GRIK1: variants seen among roughly 807,000 people sequenced by gnomAD.
The protein encoded by GRIK1 is glutamate ionotropic receptor kainate type subunit 1, also known as glutamate receptor ionotropic, kainate 1.
Under a neutral mutation model 105.7 loss-of-function variants are expected in GRIK1, and 69 were observed. The observed-to-expected ratio is 0.65, with a 90% confidence interval of 0.54 to 0.80. The LOEUF is 0.80. GRIK1 is among the 30% of genes least tolerant of loss of function. The pLI is 0.00. For missense variants in GRIK1, 1,109 were observed against 1,167.3 expected, an observed-to-expected ratio of 0.95 and a Z score of 0.73; for synonymous variants, 438 against 431.3, an observed-to-expected ratio of 1.02 and a Z score of -0.19.
intron 1 of GRIK1, among the ~76,000 whole-genome samples, chr21:29,882,994 G>C (rs1375896162): frequency 6.6e-6 from 1 of 151,986 alleles, no homozygotes; most frequent in African/African-American, 2.4e-5. Flanking sequence ...CAGAAGTCCA[G>C]CTTTAACCTT....
chr21:29,596,252 A>G (rs1368198863), intron 9 of GRIK1: 2 of 554,330 alleles, frequency 3.6e-6, no homozygotes, highest in Admixed American at 4.6e-5. Context: ...CAATCCTAAC[A>G]AGGACTGATC....
In GRIK1 at chr21:29,774,272, C is replaced by T. The variant is rs543797354; in HGVS notation, c.119-80209G>A. On this transcript the variant is annotated intron_variant, in intron 1 of 17. Coordinates refer to ENST00000327783, the MANE Select transcript of GRIK1 (RefSeq NM_001330994.2). ...TCTTTCACTAACCATATGAATACAA[C>T]TTCAACATATTATTCAACAACTTAA... is the stretch of plus-strand genomic sequence containing the variant. Among the ~76,000 whole-genome samples the T allele has an allele frequency of 5.9e-5, 9 of 152,234 alleles. No individual in the cohort carries two copies. The East Asian group carries it at 1.5e-3, about 26-fold the overall frequency.
intron 15 of GRIK1, 41 bp downstream of exon 15, chr21:29,561,583 C>T: frequency 2.3e-6 from 3 of 1,309,346 alleles, no homozygotes; most frequent in Non-Finnish European, 2.2e-6. Context: ...TGGTAACTGA[C>T]ATTCTGTATC....
intron 7 of GRIK1, among the ~76,000 whole-genome samples, chr21:29,620,793 C>CTATA (rs1421896438): frequency 8.2e-6 from 1 of 121,536 alleles, no homozygotes; most frequent in African/African-American, 3.6e-5. Flanking sequence ...ATATATATAT[C>CTATA]TATATATATA....
rs756145502 is a variant in GRIK1, at chr21:29,589,081, TGAAAG to T, written c.1366-44_1366-40del. ...ACCAAATATGAAAACCCTGTTATAA[TGAAAG>T]GAAGAGTTTACCCTATCAGCAGCTT... On this transcript the variant is annotated intron_variant, in intron 10 of 17. Transcript: ENST00000327783. 8 of 1,133,730 alleles carry T rather than the reference TGAAAG, an allele frequency of 7.1e-6. No homozygotes were observed. The East Asian group carries it at 1.6e-4, about 23-fold the overall frequency. The allele number at this position is 1,133,730 out of a possible 1,614,324, so 70.2% of individuals were successfully genotyped here. A position where few individuals can be genotyped will look rare whatever the true frequency, so the allele number is the denominator to read the frequency against.
chr21:29,776,717 T>C (rs2065953308), intron 1 of GRIK1, among the ~76,000 whole-genome samples: 1 of 152,194 alleles, frequency 6.6e-6, no homozygotes, highest in South Asian at 2.1e-4. Context: ...AGTGATGACC[T>C]AAACAAGCAA....
In GRIK1 at chr21:29,569,212, A is replaced by G. The variant is rs367867679; in HGVS notation, c.2131-7363T>C. Among the ~76,000 whole-genome samples, 6 of 152,352 alleles carry G rather than the reference A, an allele frequency of 3.9e-5. No homozygotes were observed. In the South Asian group the frequency reaches 1.2e-3, roughly 32 times the overall value. ...TATTTATAAATCTAGAGAGACTGAA[A>G]AAATAGGACTAATAGCTAGAGGTAA... On this transcript the variant is annotated intron_variant, in intron 14 of 17. Coordinates refer to ENST00000327783, the MANE Select transcript of GRIK1 (RefSeq NM_001330994.2).
At chr21:29,595,847 A>G (rs1475654543) in intron 9 of GRIK1, among the ~76,000 whole-genome samples, 1 of 152,228 alleles carries the variant, frequency 6.6e-6, no homozygotes, top group Non-Finnish European at 1.5e-5. Flanking sequence ...ACATAAATCT[A>G]TGCACATTCA....
chr21:29,756,119 C>A (rs943867552), intron 1 of GRIK1, among the ~76,000 whole-genome samples: 8 of 152,316 alleles, frequency 5.3e-5, no homozygotes, highest in East Asian at 1.9e-4. Flanking sequence ...CGGTGGCTCA[C>A]GCCTGTAATC....
intron 1 of GRIK1, among the ~76,000 whole-genome samples, chr21:29,775,382 A>G (rs2065917035): frequency 6.6e-6 from 1 of 151,924 alleles, no homozygotes; most frequent in Admixed American, 6.6e-5. Context: ...TGTTGGACTT[A>G]TAGACTTGTA....
chr21:29,713,385 A>AT (rs551474574), intron 1 of GRIK1, among the ~76,000 whole-genome samples: 3 of 151,792 alleles, frequency 2.0e-5, no homozygotes, highest in South Asian at 2.1e-4. Flanking sequence ...ATTTTTCTGT[A>AT]TTTTTTTCAT....
At chr21:29,880,164 A>G (rs1226914297) in intron 1 of GRIK1, among the ~76,000 whole-genome samples, 1 of 152,120 alleles carries the variant, frequency 6.6e-6, no homozygotes, top group Non-Finnish European at 1.5e-5. Context: ...CTAAACACAA[A>G]AAAACCTCAA....
intron 13 of GRIK1, 131 bp from the exon 14 acceptor site, chr21:29,577,312 C>T: frequency 1.8e-6 from 1 of 560,834 alleles, no homozygotes; most frequent in Non-Finnish European, 3.2e-6. Context: ...GAAATAAATG[C>T]ATTTTATAGA....
At chr21:29,637,752 T>G (rs557029609) in intron 7 of GRIK1, among the ~76,000 whole-genome samples, 1 of 152,300 alleles carries the variant, frequency 6.6e-6, no homozygotes, top group Non-Finnish European at 1.5e-5. Context: ...GACACCTGGT[T>G]TATGGTATTT....
chr21:29,846,018 C>T (rs2068100618), intron 1 of GRIK1, among the ~76,000 whole-genome samples: 1 of 152,154 alleles, frequency 6.6e-6, no homozygotes, highest in Admixed American at 6.5e-5. Context: ...GTCACTACTT[C>T]CTGTTTTTTT....
At chr21:29,593,711 G>A (rs2061364110) in intron 9 of GRIK1, among the ~76,000 whole-genome samples, 1 of 152,212 alleles carries the variant, frequency 6.6e-6, no homozygotes, top group Non-Finnish European at 1.5e-5. Flanking sequence ...TTAAGTGATA[G>A]GATGTGGTCT....
chr21:29,726,561 CTTTT>C (rs1017782954), intron 1 of GRIK1, among the ~76,000 whole-genome samples: 14 of 152,064 alleles, frequency 9.2e-5, no homozygotes, highest in African/African-American at 3.1e-4. Context: ...TGGAGTATTT[CTTTT>C]GAGTGTATAT....
At chr21:29,597,668 C>T (rs1735745982) in intron 8 of GRIK1, 1 of 466,964 alleles carries the variant, frequency 2.1e-6, no homozygotes, top group Non-Finnish European at 4.5e-6. Context: ...GAAGAGGAAG[C>T]CAGAAGATGG....
intron 12 of GRIK1, among the ~76,000 whole-genome samples, 184 bp from the exon 13 acceptor site, chr21:29,581,727 C>T (rs759654872): frequency 1.3e-5 from 2 of 152,124 alleles, no homozygotes; most frequent in African/African-American, 4.8e-5. Context: ...AGCCTTGAGA[C>T]GTTAATATTT....
Sources: allele counts gnomAD v4.1 joint callset (sites outside exome capture counted in the v4.1 genomes callset), GRCh38; gene constraint gnomAD v4.1.1; transcripts MANE v1.5; gene names NCBI Gene and HGNC (gene_info 2026-07-23, HGNC 2026-07-21).